The following ITGB5 variants were observed in gnomAD, a reference collection of about 807,000 sequenced individuals.
The protein encoded by ITGB5 is integrin beta-5.
Under a neutral mutation model 84.8 loss-of-function variants are expected in ITGB5, and 38 were observed. The observed-to-expected ratio is 0.45, with a 90% CI of 0.35 to 0.59. The LOEUF (loss-of-function observed/expected upper bound fraction) is 0.59, where lower values mean the gene tolerates loss of function less well. Among genes scored for constraint, ITGB5 ranks in the 20% least tolerant of loss-of-function variants. The pLI is 0.01. For missense variants in ITGB5, 905 were observed against 1,034.5 expected, an observed-to-expected ratio of 0.87 and a Z score of 1.72; for synonymous variants, 393 against 414.4, an observed-to-expected ratio of 0.95 and a Z score of 0.63.
chr3:124,875,743 C>G (rs2221149), intron 1 of ITGB5, among the ~76,000 whole-genome samples: 124,473 of 152,134 alleles, frequency 0.82, 51,031 homozygotes, highest in African/African-American at 0.86. Flanking sequence ...CCAAGATATG[C>G]AATCAACAGA....
intron 9 of ITGB5, among the ~76,000 whole-genome samples, chr3:124,806,186 G>A (rs2064399267): frequency 1.3e-5 from 2 of 152,184 alleles, no homozygotes; most frequent in Non-Finnish European, 1.5e-5. Flanking sequence ...TTATAAGGAT[G>A]TCATTAGAAA....
intron 10 of ITGB5, among the ~76,000 whole-genome samples, chr3:124,788,557 C>A (rs1215960212): frequency 6.6e-6 from 1 of 152,182 alleles, no homozygotes; most frequent in Non-Finnish European, 1.5e-5. Context: ...AATCCTGTAA[C>A]AAATTCTGTT....
intron 5 of ITGB5, 104 bp from the exon 6 acceptor site, chr3:124,821,578 G>C: frequency 1.6e-6 from 2 of 1,259,266 alleles, no homozygotes; most frequent in East Asian, 4.7e-5. Flanking sequence ...TGAATCAGAG[G>C]CATTCCCCTT....
chr3:124,814,565 C>T (rs1172034394), intron 8 of ITGB5, among the ~76,000 whole-genome samples: 1 of 151,908 alleles, frequency 6.6e-6, no homozygotes, highest in Non-Finnish European at 1.5e-5. Context: ...CAGCCTTGAA[C>T]TCCCGGGCTC....
intron 9 of ITGB5, among the ~76,000 whole-genome samples, chr3:124,803,598 G>A (rs539526536): frequency 1.3e-5 from 2 of 152,360 alleles, no homozygotes; most frequent in African/African-American, 4.8e-5. Context: ...TGGCTTGTGA[G>A]TTCACTGTCT....
At chr3:124,881,600 C>T (rs115537957) in intron 1 of ITGB5, among the ~76,000 whole-genome samples, 1,965 of 152,242 alleles carry the variant, frequency 0.013, 58 homozygotes, top group African/African-American at 0.043. Context: ...AGTCACTTAA[C>T]CTTTCCAGGC....
chr3:124,795,385 A>G (rs1258583615), intron 10 of ITGB5, among the ~76,000 whole-genome samples: 3 of 151,972 alleles, frequency 2.0e-5, no homozygotes, highest in Non-Finnish European at 4.4e-5. Flanking sequence ...GCTACTCGGG[A>G]GTCTGAGGCA....
chr3:124,805,973 C>G (rs1237272995), intron 9 of ITGB5, among the ~76,000 whole-genome samples: 1 of 152,162 alleles, frequency 6.6e-6, no homozygotes, highest in Non-Finnish European at 1.5e-5. Flanking sequence ...TTTTCTCCAG[C>G]TCTGCAGCCT....
chr3:124,766,059 C>CAAAA (rs376914121), intron 13 of ITGB5, among the ~76,000 whole-genome samples, 167 bp downstream of exon 13: 6,118 of 104,210 alleles, frequency 0.059, 290 homozygotes, highest in African/African-American at 0.14. Context: ...CAGCCTGTGT[C>CAAAA]AAAAAAAAAA....
intron 2 of ITGB5, among the ~76,000 whole-genome samples, chr3:124,863,874 A>G (rs1251048869): frequency 6.6e-6 from 1 of 151,904 alleles, no homozygotes; most frequent in African/African-American, 2.4e-5. Flanking sequence ...CCAAAATGAC[A>G]GAGACCAGGG....
intron 8 of ITGB5, among the ~76,000 whole-genome samples, chr3:124,815,644 TTC>T (rs1335920154): frequency 6.6e-6 from 1 of 152,122 alleles, no homozygotes; most frequent in African/African-American, 2.4e-5. Context: ...CTTGATTTGG[TTC>T]TCTTAGTTCA....
rs375263945 is a variant in ITGB5, at chr3:124,796,747, C to T, written c.1334G>A (p.Arg445Gln). The change falls in exon 10 of 15, where the codon CGG (arginine) becomes CAG (glutamine). Residue 445 changes from arginine to glutamine, a missense_variant. By Grantham distance (43) the Arg-to-Gln change is conservative. This residue lies in a region of ITGB5 where 656 missense variants were observed against 734.7 expected (regional missense o/e 0.89). Transcript: ENST00000296181. ...SRHTEHVFAL[R>Q]PVGFRDSLEV... ...CAGGCTGTCCCGGAATCCCACCGGC[C>T]GCAGGGCAAACACATGCTCCGTGTG... The T allele has an allele frequency of 8.0e-5, 129 of 1,613,978 alleles. No individual in the cohort carries two copies. The highest frequency in any genetic ancestry group is 1.6e-4 in the Middle Eastern group (1 of 6,062).
At chr3:124,897,122 G>A (rs1251530160) in intron 1 of ITGB5, among the ~76,000 whole-genome samples, 1 of 152,124 alleles carries the variant, frequency 6.6e-6, no homozygotes, top group Admixed American at 6.5e-5. Flanking sequence ...CCCTATCCCT[G>A]ATCTTTTCTG....
intron 1 of ITGB5, among the ~76,000 whole-genome samples, chr3:124,879,883 A>G (rs1192545276): frequency 6.6e-6 from 1 of 152,266 alleles, no homozygotes; most frequent in Admixed American, 6.5e-5. Flanking sequence ...CAATTTATTT[A>G]GAAAAGGGGG....
At chr3:124,780,840 A>AAGAC in intron 10 of ITGB5, 1 of 152,642 alleles carries the variant, frequency 6.6e-6, no homozygotes, top group East Asian at 1.9e-4. Context: ...AAGTGGCTCA[A>AAGAC]AGACATAGAG....
At chr3:124,773,545 A>G (rs2063878737) in intron 11 of ITGB5, 145 bp downstream of exon 11, 1 of 665,520 alleles carries the variant, frequency 1.5e-6, no homozygotes, top group Non-Finnish European at 2.6e-6. Flanking sequence ...TACGGTTGGT[A>G]AGAATGCGGC....
At chr3:124,823,620 TATATATATAAACTATATATAA>T (rs1162924404) in intron 5 of ITGB5, among the ~76,000 whole-genome samples, 39 of 149,154 alleles carry the variant, frequency 2.6e-4, no homozygotes, top group Admixed American at 1.1e-3. Context: ...AGATGTATAG[TATATATATAAACTATATATAA>T]ATATATATAA....
At chr3:124,768,882 C>T (rs1303493600) in intron 12 of ITGB5, 131 bp downstream of exon 12, 3 of 629,040 alleles carry the variant, frequency 4.8e-6, no homozygotes, top group Middle Eastern at 4.3e-4. Flanking sequence ...GTTCCAGCAC[C>T]GGGTCCTCAT....
intron 1 of ITGB5, among the ~76,000 whole-genome samples, chr3:124,879,151 G>A (rs931293990): frequency 1.3e-5 from 2 of 152,168 alleles, no homozygotes; most frequent in Non-Finnish European, 2.9e-5. Context: ...CTTCCTGTCT[G>A]CAACCTCTAG....
Sources: gnomAD v4.1 joint callset for allele counts (sites outside exome capture counted in the v4.1 genomes callset) on GRCh38, gnomAD v4.1.1 for gene constraint, gnomAD v4.1.1 regional missense constraint, MANE v1.5 for transcripts, NCBI Gene and HGNC (gene_info 2026-07-23, HGNC 2026-07-21) for gene names.